Variants in CLMN observed in about 807,000 individuals in gnomAD.
CLMN encodes the protein calmin.
A neutral mutation model predicts 92.7 loss-of-function variants in CLMN; 57 were observed. The ratio of observed to expected loss-of-function variants is 0.61; its 90% confidence interval spans 0.50 to 0.77. The LOEUF is 0.77. CLMN is among the 30% of genes least tolerant of loss of function. The pLI, the probability that CLMN is intolerant of heterozygous loss-of-function variation, is 0.00. For missense variants in CLMN, 1,158 were observed against 1,237.5 expected, an observed-to-expected ratio of 0.94 and a Z score of 0.96; for synonymous variants, 466 against 470.6, an observed-to-expected ratio of 0.99 and a Z score of 0.13.
At chr14:95,255,455 T>G (rs1898959520) in intron 1 of CLMN, among the ~76,000 whole-genome samples, 1 of 152,220 alleles carries the variant, frequency 6.6e-6, no homozygotes, top group Non-Finnish European at 1.5e-5. Flanking sequence ...TCTCTCACTG[T>G]GCCTAATTTA....
chr14:95,193,512 C>T (rs1355686401), intron 12 of CLMN: 11 of 800,782 alleles, frequency 1.4e-5, no homozygotes, highest in African/African-American at 8.6e-5. Flanking sequence ...CCTGCCTGGC[C>T]GTCCCTTTGC....
At chr14:95,274,400 T>A (rs1442843899) in intron 1 of CLMN, among the ~76,000 whole-genome samples, 1 of 152,154 alleles carries the variant, frequency 6.6e-6, no homozygotes, top group Non-Finnish European at 1.5e-5. Flanking sequence ...CCCCTGCCCA[T>A]GCACAGCAGC....
chr14:95,297,932 G>C (rs1382410325), intron 1 of CLMN, among the ~76,000 whole-genome samples: 10 of 152,066 alleles, frequency 6.6e-5, no homozygotes, highest in Non-Finnish European at 1.2e-4. Flanking sequence ...AAATACCTTA[G>C]AGGAAATCTG....
At chr14:95,309,622 C>A (rs1054163922) in intron 1 of CLMN, among the ~76,000 whole-genome samples, 2 of 152,234 alleles carry the variant, frequency 1.3e-5, no homozygotes, top group African/African-American at 4.8e-5. Flanking sequence ...CACTCCTGCC[C>A]TTTGTCAGGA....
intron 1 of CLMN, among the ~76,000 whole-genome samples, chr14:95,264,241 T>C (rs1899377956): frequency 6.6e-6 from 1 of 152,102 alleles, no homozygotes; most frequent in African/African-American, 2.4e-5. Flanking sequence ...GATTTCACTA[T>C]GTTGCCCAGG....
At chr14:95,239,493 C>T (rs1051164593) in intron 1 of CLMN, among the ~76,000 whole-genome samples, 11 of 152,172 alleles carry the variant, frequency 7.2e-5, no homozygotes, top group Non-Finnish European at 1.3e-4. Context: ...TGTTGAGAAC[C>T]ACAGATTTTG....
At chr14:95,289,303 C>A (rs896518059) in intron 1 of CLMN, among the ~76,000 whole-genome samples, 30 of 151,992 alleles carry the variant, frequency 2.0e-4, no homozygotes, top group African/African-American at 5.8e-4. Context: ...CCAGCCTGGG[C>A]AACATGGTGA....
chr14:95,213,476 CG>C, intron 5 of CLMN, 67 bp from the exon 6 acceptor site: 1 of 1,482,000 alleles, frequency 6.7e-7, no homozygotes, highest in East Asian at 2.3e-5. Flanking sequence ...CCTTGTCTGG[CG>C]GGTGGCCATA....
At chr14:95,304,744 C>T (rs1901204438) in intron 1 of CLMN, among the ~76,000 whole-genome samples, 1 of 151,992 alleles carries the variant, frequency 6.6e-6, no homozygotes, top group South Asian at 2.1e-4. Context: ...ATGCAGAGGA[C>T]CAATGCCTCC....
intron 1 of CLMN, among the ~76,000 whole-genome samples, chr14:95,262,133 G>A (rs535719260): frequency 1.2e-4 from 19 of 152,296 alleles, no homozygotes; most frequent in Non-Finnish European, 2.2e-4. Flanking sequence ...CACATCGTTT[G>A]GACAGCCAGC....
At chr14:95,257,260 G>A (rs576075941) in intron 1 of CLMN, among the ~76,000 whole-genome samples, 5 of 152,330 alleles carry the variant, frequency 3.3e-5, no homozygotes, top group African/African-American at 1.2e-4. Context: ...GCTGTCAACC[G>A]CCCGCTGCAT....
intron 1 of CLMN, among the ~76,000 whole-genome samples, chr14:95,258,813 G>A (rs1390579609): frequency 6.7e-6 from 1 of 148,820 alleles, no homozygotes; most frequent in African/African-American, 2.5e-5. Flanking sequence ...GGTTGTATGT[G>A]GAAGGTGTGT....
intron 2 of CLMN, among the ~76,000 whole-genome samples, chr14:95,229,622 A>C (rs1373461707): frequency 6.6e-6 from 1 of 152,098 alleles, no homozygotes; most frequent in African/African-American, 2.4e-5. Flanking sequence ...TGCAGAGTGA[A>C]GGGGCAGGTA....
intron 1 of CLMN, among the ~76,000 whole-genome samples, chr14:95,241,768 TGAAAA>T (rs1898249790): frequency 1.3e-5 from 2 of 152,202 alleles, no homozygotes; most frequent in Non-Finnish European, 2.9e-5. Context: ...TGCATTCATT[TGAAAA>T]CAAACAAAAG....
At chr14:95,210,355 A>G (rs1207310075) in intron 7 of CLMN, among the ~76,000 whole-genome samples, 1 of 152,228 alleles carries the variant, frequency 6.6e-6, no homozygotes, top group Non-Finnish European at 1.5e-5. Context: ...CCCAGCCACT[A>G]AGTACATTTT....
intron 8 of CLMN, among the ~76,000 whole-genome samples, chr14:95,204,809 T>C (rs1897002103): frequency 6.6e-6 from 1 of 152,188 alleles, no homozygotes; most frequent in Non-Finnish European, 1.5e-5. Flanking sequence ...TGTCAGCCCC[T>C]TCATGCTTGA....
intron 1 of CLMN, among the ~76,000 whole-genome samples, chr14:95,258,319 T>G (rs2140693703): frequency 6.9e-6 from 1 of 145,660 alleles, no homozygotes; most frequent in Non-Finnish European, 1.5e-5. Context: ...GTGTGTGGGG[T>G]GTGTGTATGT....
chr14:95,231,487 C>T (rs142097168), intron 1 of CLMN, among the ~76,000 whole-genome samples: 1,858 of 152,234 alleles, frequency 0.012, 46 homozygotes, highest in African/African-American at 0.042. Context: ...CGTGAGCCAC[C>T]GCGCCCAGCC....
intron 1 of CLMN, among the ~76,000 whole-genome samples, chr14:95,272,742 G>A (rs956083601): frequency 6.6e-6 from 1 of 152,234 alleles, no homozygotes; most frequent in Non-Finnish European, 1.5e-5. Flanking sequence ...AGTTCATGGT[G>A]TAGTGGGACA....
Sources: gnomAD v4.1 joint callset for allele counts (sites outside exome capture counted in the v4.1 genomes callset) on GRCh38, gnomAD v4.1.1 for gene constraint, MANE v1.5 for transcripts, NCBI Gene and HGNC (gene_info 2026-07-23, HGNC 2026-07-21) for gene names.